The following CTIF variants were observed in gnomAD, a reference collection of about 807,000 sequenced individuals.
The protein encoded by CTIF is cap binding complex dependent translation initiation factor.
Under a neutral mutation model 66.0 loss-of-function variants are expected in CTIF, and 21 were observed. The observed-to-expected ratio is 0.32, with a 90% CI of 0.23 to 0.46. The LOEUF (loss-of-function observed/expected upper bound fraction) is 0.46. Among genes scored for constraint, CTIF ranks in the 20% least tolerant of loss-of-function variants. The pLI is 1.00. For synonymous variants in CTIF, 345 were observed against 326.4 expected, an observed-to-expected ratio of 1.06 and a Z score of -0.62; for missense variants, 739 against 812.7, an observed-to-expected ratio of 0.91 and a Z score of 1.10.
At chr18:48,699,149 G>A (rs2092048128) in intron 6 of CTIF, among the ~76,000 whole-genome samples, 3 of 151,200 alleles carry the variant, frequency 2.0e-5, no homozygotes, top group South Asian at 2.1e-4. Flanking sequence ...CCTGGTGCCC[G>A]ACGGCCCCAG....
At chr18:48,852,398 C>T (rs1198980559) in intron 10 of CTIF, among the ~76,000 whole-genome samples, 3 of 152,086 alleles carry the variant, frequency 2.0e-5, no homozygotes, top group South Asian at 2.1e-4. Context: ...TGAACCAGCC[C>T]CTCGCAGTTG....
intron 3 of CTIF, among the ~76,000 whole-genome samples, chr18:48,659,747 G>A (rs941343018): frequency 3.3e-5 from 5 of 152,220 alleles, no homozygotes; most frequent in Middle Eastern, 3.2e-3. Flanking sequence ...GGGGCAGAGC[G>A]AGAGAGGAAG....
intron 7 of CTIF, among the ~76,000 whole-genome samples, chr18:48,743,776 A>G (rs920192292): frequency 1.3e-5 from 2 of 152,198 alleles, no homozygotes; most frequent in Non-Finnish European, 2.9e-5. Context: ...AGTACCAAAA[A>G]TAACAATTTT....
chr18:48,658,593 A>ATG (rs561791927), intron 3 of CTIF, among the ~76,000 whole-genome samples: 2 of 151,914 alleles, frequency 1.3e-5, no homozygotes, highest in African/African-American at 4.8e-5. Context: ...CATACCATGC[A>ATG]TGTGTGTGTA....
chr18:48,725,668 C>A (rs565723562), intron 7 of CTIF, among the ~76,000 whole-genome samples: 1 of 152,188 alleles, frequency 6.6e-6, no homozygotes, highest in Admixed American at 6.5e-5. Flanking sequence ...TAATGGTAAC[C>A]CAGGGCATGT....
At position 48,725,723 on chromosome 18, in the gene CTIF, A is replaced by G. The variant is rs528528830; in HGVS notation, c.584+14028A>G. ...AGCCTTCAGTGATTACCCAGAGTTA[A>G]GAGAATGATTTAGTTTCTGGCACAC... On this transcript the variant is annotated intron_variant, in intron 7 of 11. Coordinates refer to ENST00000256413, the MANE Select transcript of CTIF (RefSeq NM_014772.3). 2.0e-5 allele frequency among the ~76,000 whole-genome samples: 3 copies of G among 152,318 alleles called. No homozygotes were observed. The East Asian group carries it at 5.8e-4, about 29-fold the overall frequency.
chr18:48,564,922 T>C (rs1458015431), intron 1 of CTIF: 1 of 152,194 alleles, frequency 6.6e-6, no homozygotes, highest in Non-Finnish European at 1.5e-5. Flanking sequence ...CCTGGTCGGC[T>C]TGTTTTAAAC....
intron 9 of CTIF, among the ~76,000 whole-genome samples, chr18:48,770,188 G>C (rs1909967621): frequency 6.6e-6 from 1 of 152,352 alleles, no homozygotes; most frequent in East Asian, 1.9e-4. Flanking sequence ...AGCATGCCAG[G>C]TGTCCAGTCA....
chr18:48,660,021 A>G (rs35565961), intron 3 of CTIF, among the ~76,000 whole-genome samples: 12,838 of 151,194 alleles, frequency 0.085, 585 homozygotes, highest in Middle Eastern at 0.12. Context: ...CGATTGTGTG[A>G]CTGCCATGGC....
intron 1 of CTIF, among the ~76,000 whole-genome samples, chr18:48,603,650 GATGA>G (rs148296661): frequency 1.1e-3 from 161 of 151,596 alleles, no homozygotes; most frequent in African/African-American, 3.8e-3. Flanking sequence ...TGGATGGATG[GATGA>G]ATGGATGAAT....
At chr18:48,768,172 C>T (rs1011768344) in intron 9 of CTIF, among the ~76,000 whole-genome samples, 1 of 152,158 alleles carries the variant, frequency 6.6e-6, no homozygotes, top group East Asian at 1.9e-4. Flanking sequence ...TCAAGTCATT[C>T]CCCTTTGTCA....
intron 10 of CTIF, among the ~76,000 whole-genome samples, chr18:48,818,218 G>T (rs2068409935): frequency 6.6e-6 from 1 of 152,242 alleles, no homozygotes; most frequent in African/African-American, 2.4e-5. Context: ...GAAGCTGGAA[G>T]CCGAGTGGGG....
chr18:48,730,012 A>G (rs1256818299), intron 7 of CTIF, among the ~76,000 whole-genome samples: 10 of 152,218 alleles, frequency 6.6e-5, no homozygotes, highest in Non-Finnish European at 1.5e-4. Context: ...TCTCAGGTGA[A>G]GTAATAGTAG....
At chr18:48,717,805 C>A (rs576386701) in intron 7 of CTIF, among the ~76,000 whole-genome samples, 1 of 152,296 alleles carries the variant, frequency 6.6e-6, no homozygotes, top group East Asian at 1.9e-4. Context: ...TAGTTCATTG[C>A]AGCCTTGAAC....
At chr18:48,626,089 C>T (rs1372461990) in intron 2 of CTIF, among the ~76,000 whole-genome samples, 1 of 150,702 alleles carries the variant, frequency 6.6e-6, no homozygotes, top group Non-Finnish European at 1.5e-5. Context: ...GCAACCTCCC[C>T]CCACCGCAGG....
chr18:48,618,616 A>T (rs924912591), intron 1 of CTIF, among the ~76,000 whole-genome samples: 7 of 152,062 alleles, frequency 4.6e-5, no homozygotes, highest in Non-Finnish European at 1.0e-4. Flanking sequence ...GTCAGGTGGG[A>T]GCTTCGGGGG....
intron 3 of CTIF, among the ~76,000 whole-genome samples, chr18:48,648,644 G>A (rs1432052020): frequency 6.6e-6 from 1 of 152,180 alleles, no homozygotes; most frequent in Non-Finnish European, 1.5e-5. Flanking sequence ...GGGCCTGAGA[G>A]GAGTTTCAGA....
At chr18:48,573,999 C>T (rs773740479) in intron 1 of CTIF, among the ~76,000 whole-genome samples, 1 of 152,250 alleles carries the variant, frequency 6.6e-6, no homozygotes, top group Non-Finnish European at 1.5e-5. Flanking sequence ...TCACCTTCCA[C>T]GGAGTGGAGT....
chr18:48,789,445 A>T (rs768313515), intron 9 of CTIF, among the ~76,000 whole-genome samples: 12 of 152,212 alleles, frequency 7.9e-5, no homozygotes, highest in Non-Finnish European at 1.6e-4. Context: ...AATGTTGGCT[A>T]TGGTTCAATT....
Sources: allele counts gnomAD v4.1 joint callset (sites outside exome capture counted in the v4.1 genomes callset), GRCh38; gene constraint gnomAD v4.1.1; transcripts MANE v1.5; gene names NCBI Gene and HGNC (gene_info 2026-07-23, HGNC 2026-07-21).